Variants in KATNIP observed in about 807,000 individuals in gnomAD.
KATNIP encodes the protein katanin-interacting protein.
In KATNIP, 126 loss-of-function variants were observed where a neutral mutation model predicts 174.0. The ratio of observed to expected loss-of-function variants is 0.72; its 90% CI spans 0.63 to 0.84. The LOEUF is 0.84. KATNIP is among the 40% of genes least tolerant of loss of function. The pLI is 0.00. For synonymous variants in KATNIP, 810 were observed against 835.7 expected (o/e 0.97, Z 0.53); for missense variants, 1,958 against 2,109.7 (o/e 0.93, Z 1.41).
intron 2 of KATNIP, among the ~76,000 whole-genome samples, chr16:27,581,192 A>T (rs2090685412): frequency 6.6e-6 from 1 of 152,196 alleles, no homozygotes; most frequent in African/African-American, 2.4e-5. Context: ...TAAATGTATT[A>T]CTAATTCTTG....
intron 15 of KATNIP, among the ~76,000 whole-genome samples, chr16:27,748,770 C>T (rs530727561): frequency 6.6e-6 from 1 of 151,302 alleles, no homozygotes; most frequent in Non-Finnish European, 1.5e-5. Flanking sequence ...GGCAACAGAG[C>T]GAGACCCTGT....
chr16:27,689,604 C>T (rs2142891861), intron 8 of KATNIP, among the ~76,000 whole-genome samples: 1 of 152,202 alleles, frequency 6.6e-6, no homozygotes, highest in Non-Finnish European at 1.5e-5. Context: ...GCAGACAGCA[C>T]CTGCCATCAA....
chr16:27,658,230 T>TA (rs2077361037), intron 6 of KATNIP, among the ~76,000 whole-genome samples: 1 of 152,196 alleles, frequency 6.6e-6, no homozygotes. Flanking sequence ...GAACCATAGT[T>TA]ATAAGGAAAA....
At chr16:27,610,682 A>G (rs1424134098) in intron 2 of KATNIP, among the ~76,000 whole-genome samples, 1 of 152,142 alleles carries the variant, frequency 6.6e-6, no homozygotes, top group African/African-American at 2.4e-5. Context: ...AGCACCCCCA[A>G]CCAACAACCA....
chr16:27,628,523 C>A, intron 3 of KATNIP, 138 bp from the exon 4 acceptor site: 1 of 925,502 alleles, frequency 1.1e-6, no homozygotes, highest in Non-Finnish European at 1.7e-6. Flanking sequence ...TGTTTGTAGA[C>A]AAACAGCTGG....
chr16:27,710,400 G>A (rs116648737), intron 13 of KATNIP, among the ~76,000 whole-genome samples: 3 of 152,110 alleles, frequency 2.0e-5, no homozygotes, highest in Non-Finnish European at 4.4e-5. Flanking sequence ...AAAAAAGATC[G>A]GGGAGGGTAC....
chr16:27,631,256 G>A lies in KATNIP; in HGVS notation c.408+94G>A, dbSNP rs978021059. The stretch of plus-strand genomic sequence containing the variant: ...CAATCAGAGCATTTAAAACCCCCAT[G>A]GGCCAGGCACAGTGGCTCCTTTATG... On this transcript the variant is annotated intron_variant, in intron 5 of 27. Transcript: ENST00000261588. 14 of 983,990 alleles carry A rather than the reference G, an allele frequency of 1.4e-5. No homozygotes were observed. The African/African-American group carries it at 2.3e-4, about 16-fold the overall frequency. The allele number at this position is 983,990 out of a possible 1,614,324, so 61.0% of individuals were successfully genotyped here. A position where few individuals can be genotyped will look rare whatever the true frequency, so the allele number is the denominator to read the frequency against.
intron 1 of KATNIP, among the ~76,000 whole-genome samples, chr16:27,555,471 A>G (rs1317438710): frequency 1.3e-5 from 2 of 152,194 alleles, no homozygotes; most frequent in Non-Finnish European, 2.9e-5. Flanking sequence ...TGTCAGTAAA[A>G]TGGACATGAT....
chr16:27,568,712 C>A (rs1335537055), intron 1 of KATNIP, among the ~76,000 whole-genome samples: 3 of 152,106 alleles, frequency 2.0e-5, no homozygotes, highest in Non-Finnish European at 4.4e-5. Context: ...ATCTGCCCGC[C>A]CGGGCCTCCC....
At chr16:27,574,558 C>CTTTTTTTTT (rs10708223) in intron 2 of KATNIP, among the ~76,000 whole-genome samples, 107 of 53,432 alleles carry the variant, frequency 2.0e-3, no homozygotes, top group Non-Finnish European at 2.2e-3. Context: ...ACTTTCTATT[C>CTTTTTTTTT]TTTTTTTTTT....
In KATNIP at chr16:27,749,862, A is replaced by G; in HGVS notation, c.2902A>G (p.Ile968Val). The G allele has an allele frequency of 6.2e-7, 1 of 1,614,060 alleles. No individual in the cohort carries two copies. Among genetic ancestry groups the G allele is most frequent in the South Asian group, 1.1e-5 (1 of 91,068 alleles). The change falls in exon 16 of 28, where the codon ATC becomes GTC. Residue 968 changes from isoleucine to valine, a missense_variant. Physicochemically the swap from Ile to Val is conservative, Grantham distance 29. Around this residue, in one of 3 missense-constraint regions of KATNIP, gnomAD observed 1,557 missense variants for 1,617.8 expected, o/e 0.96. Transcript: ENST00000261588. ...GACAGACGCTGGGGGTGACTTTAAA[A>G]TCCCCGTCTTGCCTTATGGACAGCG... ...GETDAGGDFK[I>V]PVLPYGQRLV... is the part of the protein sequence containing the mutation.
intron 5 of KATNIP, among the ~76,000 whole-genome samples, chr16:27,640,560 A>G (rs2076761281): frequency 6.6e-6 from 1 of 152,082 alleles, no homozygotes; most frequent in South Asian, 2.1e-4. Flanking sequence ...TCCAGCACCC[A>G]CTCAACATTA....
intron 13 of KATNIP, among the ~76,000 whole-genome samples, chr16:27,710,242 C>T (rs2079512745): frequency 6.6e-6 from 1 of 152,114 alleles, no homozygotes; most frequent in Admixed American, 6.5e-5. Context: ...CACCTGTAGT[C>T]CCACCTACTT....
In KATNIP at chr16:27,773,005, T is replaced by C. The variant is rs561257840; in HGVS notation, c.4199-94T>C. On this transcript the variant is annotated intron_variant, in intron 22 of 27. Transcript: ENST00000261588. Reference sequence around the variant, plus strand: ...AATGTTTTTCTCTCATTCATCAACATAAACCCAAAACAATTCCTCTTATCT... The same window carrying C: ...AATGTTTTTCTCTCATTCATCAACACAAACCCAAAACAATTCCTCTTATCT... 5 of 710,604 alleles carry C rather than the reference T, an allele frequency of 7.0e-6. No homozygotes were observed. In the African/African-American group the frequency reaches 9.0e-5, roughly 13 times the overall value. 44.0% of individuals were successfully genotyped at this position (710,604 alleles called of 1,614,324 possible).
At chr16:27,576,916 G>T (rs767831479) in intron 2 of KATNIP, among the ~76,000 whole-genome samples, 1 of 152,042 alleles carries the variant, frequency 6.6e-6, no homozygotes, top group Non-Finnish European at 1.5e-5. Context: ...CTCCCTGGAG[G>T]GTGAACACGT....
chr16:27,559,958 G>A (rs1022865573), intron 1 of KATNIP, among the ~76,000 whole-genome samples: 13 of 152,008 alleles, frequency 8.6e-5, no homozygotes, highest in Non-Finnish European at 1.8e-4. Context: ...ACCAGCCTGG[G>A]CGACAGAGCG....
rs906294028 is a variant in KATNIP, at chr16:27,637,805, A to G, written c.408+6643A>G. Among the ~76,000 whole-genome samples the G allele has an allele frequency of 1.3e-5, 2 of 152,152 alleles. No homozygotes were observed. The highest frequency in any genetic ancestry group is 4.8e-5 in the African/African-American group (2 of 41,428). ...CAATCTAAATGTGAGAATTTCCAAG[A>G]GGGTTGAAACAGTAGAGCGCCACGT... On this transcript the variant is annotated intron_variant, in intron 5 of 27. Coordinates refer to ENST00000261588, the MANE Select transcript of KATNIP (RefSeq NM_015202.5). This position sits in a 1 kb window ranked among gnomAD's most constrained non-coding sequence, Gnocchi z 4.7.
chr16:27,763,619 C>CAAAAAAAAAAAA (rs565418198), intron 19 of KATNIP, among the ~76,000 whole-genome samples: 1 of 50,708 alleles, frequency 2.0e-5, no homozygotes, highest in East Asian at 6.4e-4. Flanking sequence ...TGTCTCAACA[C>CAAAAAAAAAAAA]AAAAAAAAAA....
intron 8 of KATNIP, among the ~76,000 whole-genome samples, chr16:27,682,547 T>A (rs1227014794): frequency 6.6e-6 from 1 of 152,152 alleles, no homozygotes; most frequent in African/African-American, 2.4e-5. Context: ...TCAGTCTCGA[T>A]GTTACCAGGG....
Sources: gnomAD v4.1 joint callset for allele counts (sites outside exome capture counted in the v4.1 genomes callset) on GRCh38, gnomAD v4.1.1 for gene constraint, gnomAD v4.1.1 regional missense constraint, Gnocchi (gnomAD v3.1) non-coding constraint, MANE v1.5 for transcripts, NCBI Gene and HGNC (gene_info 2026-07-23, HGNC 2026-07-21) for gene names.